The following ZNF782 variants were observed in gnomAD, a reference collection of about 807,000 sequenced individuals.
The protein encoded by ZNF782 is zinc finger protein 782.
In ZNF782, 12 loss-of-function variants were observed where a neutral mutation model predicts 13.0. That is an observed-to-expected ratio of 0.92 (90% CI 0.59 to 1.50). ZNF782 has a LOEUF of 1.50. ZNF782 is among the 40% of genes most tolerant of loss of function. The pLI is 0.00. For missense variants in ZNF782, 770 were observed against 822.9 expected, an observed-to-expected ratio of 0.94 and a Z score of 0.79; for synonymous variants, 284 against 283.0, an observed-to-expected ratio of 1.00 and a Z score of -0.04.
the ZNF782 span, among the ~76,000 whole-genome samples, chr9:96,884,055 G>A: frequency 6.6e-6 from 1 of 152,248 alleles, no homozygotes; most frequent in African/African-American, 2.4e-5. Flanking sequence ...CAGAAAAGCT[G>A]TACTACCCTC....
rs767804666 is a variant in ZNF782 at position 96,851,995 on chromosome 9, T to C, written c.-34A>G. 4 of 1,612,066 alleles carry C rather than the reference T, an allele frequency of 2.5e-6. No individual in the cohort carries two copies. Among genetic ancestry groups the C allele is most frequent in the Non-Finnish European group, 3.4e-6 (4 of 1,178,388 alleles). On this transcript the variant is annotated 5_prime_UTR_variant, in exon 3 of 6. Transcript: ENST00000481138. ...GCTCTTGGGAGAGTATAGAGAACTG[T>C]AAAGCCTCAGCTGGGGGGACAGAAA...
chr9:96,897,207 T>C, the ZNF782 span, among the ~76,000 whole-genome samples: 1 of 152,226 alleles, frequency 6.6e-6, no homozygotes, highest in Non-Finnish European at 1.5e-5. Flanking sequence ...TGCCTGACGC[T>C]ACGGAAGATA....
chr9:96,931,743 G>A, the ZNF782 span: 1 of 1,611,342 alleles, frequency 6.2e-7, no homozygotes, highest in African/African-American at 1.3e-5. Flanking sequence ...CTGGGACCCG[G>A]CGTGACCGTG....
the ZNF782 span, chr9:96,893,232 T>C: frequency 6.6e-6 from 1 of 152,190 alleles, no homozygotes; most frequent in African/African-American, 2.4e-5. Context: ...GCCTTTTCTT[T>C]ACTGGGGGAT....
intron 4 of ZNF782, among the ~76,000 whole-genome samples, chr9:96,838,753 T>C (rs1851087077): frequency 6.6e-6 from 1 of 151,330 alleles, no homozygotes; most frequent in African/African-American, 2.4e-5. Context: ...CTTGCTCTTG[T>C]TGCCCAGGCT....
the ZNF782 span, among the ~76,000 whole-genome samples, chr9:96,932,838 G>A: frequency 6.6e-6 from 1 of 151,618 alleles, no homozygotes; most frequent in South Asian, 2.1e-4. Context: ...TCGTAGAGAT[G>A]GGGTTTCTCC....
upstream of ZNF782, among the ~76,000 whole-genome samples, chr9:96,854,786 T>C (rs1341114685): frequency 6.7e-6 from 1 of 150,132 alleles, no homozygotes; most frequent in African/African-American, 2.4e-5. Flanking sequence ...TGAACCAACA[T>C]TTTTTTTTTC....
At chr9:96,931,672 A>C in the ZNF782 span, 1 of 1,600,886 alleles carries the variant, frequency 6.2e-7, no homozygotes, top group East Asian at 2.3e-5. Context: ...CAGTGACTAG[A>C]GTGGACCTGG....
chr9:96,827,633 A>G lies in ZNF782; in HGVS notation c.143-452T>C, dbSNP rs116947186. Among the ~76,000 whole-genome samples the G allele has an allele frequency of 4.8e-3, 733 of 152,282 alleles. 5 individuals carry two copies. Among genetic ancestry groups the G allele is most frequent in the Middle Eastern group, 0.02 (6 of 294 alleles). On this transcript the variant is annotated intron_variant, in intron 4 of 5. Coordinates refer to ENST00000481138, the MANE Select transcript of ZNF782 (RefSeq NM_001001662.3). The stretch of plus-strand genomic sequence containing the variant: ...ATTTTCTTATTCTCATAAATGATCA[A>G]TCTCCTTGAACCCCTGAACTGCACA...
At chr9:96,933,248 G>C in the ZNF782 span, among the ~76,000 whole-genome samples, 1 of 151,760 alleles carries the variant, frequency 6.6e-6, no homozygotes, top group Admixed American at 6.6e-5. Context: ...AAAGTGCTGC[G>C]ATTGCAGGCA....
At chr9:96,917,887 CGTGTGTGT>C in the ZNF782 span, among the ~76,000 whole-genome samples, 686 of 121,710 alleles carry the variant, frequency 5.6e-3, 12 homozygotes, top group African/African-American at 0.023. Context: ...CCACCCTTGG[CGTGTGTGT>C]GTGTGTGTGT....
intron 4 of ZNF782, among the ~76,000 whole-genome samples, chr9:96,843,094 G>A (rs763333547): frequency 6.6e-6 from 1 of 152,114 alleles, no homozygotes; most frequent in Non-Finnish European, 1.5e-5. Context: ...TACATTGCTG[G>A]TGGAAATGCA....
the ZNF782 span, among the ~76,000 whole-genome samples, chr9:96,914,809 ACT>A: frequency 7.2e-6 from 1 of 139,318 alleles, no homozygotes; most frequent in Non-Finnish European, 1.5e-5. Flanking sequence ...CAACCCACAA[ACT>A]CTCATGACCT....
chr9:96,880,970 A>G, the ZNF782 span, among the ~76,000 whole-genome samples: 1 of 152,046 alleles, frequency 6.6e-6, no homozygotes, highest in Non-Finnish European at 1.5e-5. Context: ...ATATAAAACT[A>G]CTTAAATTAT....
intron 1 of ZNF782, among the ~76,000 whole-genome samples, chr9:96,866,956 T>C (rs1452950587): frequency 6.6e-6 from 1 of 152,228 alleles, no homozygotes; most frequent in Non-Finnish European, 1.5e-5. Flanking sequence ...TGTACCCCCA[T>C]TGTATCTAGG....
the ZNF782 span, chr9:96,903,132 TC>T: frequency 1.3e-5 from 2 of 151,378 alleles, no homozygotes; most frequent in African/African-American, 2.4e-5. Flanking sequence ...AAACACAGAT[TC>T]ATATAGCCAC....
At chr9:96,921,678 T>C in the ZNF782 span, among the ~76,000 whole-genome samples, 8 of 147,064 alleles carry the variant, frequency 5.4e-5, no homozygotes, top group East Asian at 2.3e-4. Flanking sequence ...CTTGCCAACA[T>C]AGTGAAACCC....
chr9:96,890,692 A>G, the ZNF782 span: 1 of 152,240 alleles, frequency 6.6e-6, no homozygotes, highest in Non-Finnish European at 1.5e-5. Flanking sequence ...ACTGTGCCTT[A>G]GCCACCTTTT....
the ZNF782 span, among the ~76,000 whole-genome samples, chr9:96,925,363 C>T: frequency 6.6e-6 from 1 of 152,014 alleles, no homozygotes; most frequent in African/African-American, 2.4e-5. Context: ...TCTGACCGGG[C>T]GCGGTGGCTC....
Sources: gnomAD v4.1 joint callset for allele counts (sites outside exome capture counted in the v4.1 genomes callset) on GRCh38, gnomAD v4.1.1 for gene constraint, MANE v1.5 for transcripts, NCBI Gene and HGNC (gene_info 2026-07-23, HGNC 2026-07-21) for gene names.